The following SGSM1 variants were observed in gnomAD, a reference collection of about 807,000 sequenced individuals.
SGSM1 encodes the protein small G protein signaling modulator 1.
In SGSM1, 73 loss-of-function variants were observed where a neutral mutation model predicts 133.8. The observed-to-expected ratio is 0.55, with a 90% CI of 0.45 to 0.66. SGSM1 has a LOEUF of 0.66. Ranked by LOEUF, SGSM1 falls within the 30% of genes least tolerant of loss-of-function variation. The pLI is 0.00. For synonymous variants in SGSM1, 563 were observed against 573.0 expected, an observed-to-expected ratio of 0.98 and a Z score of 0.25; for missense variants, 1,213 against 1,448.1, an observed-to-expected ratio of 0.84 and a Z score of 2.64.
At chr22:24,815,156 C>G (rs192623965) in intron 2 of SGSM1, among the ~76,000 whole-genome samples, 1 of 152,290 alleles carries the variant, frequency 6.6e-6, no homozygotes, top group East Asian at 1.9e-4. Flanking sequence ...TGGGTATTTG[C>G]AAAGAACAGT....
chr22:24,868,690 C>T, intron 11 of SGSM1, 33 bp from the exon 12 acceptor site: 1 of 1,612,738 alleles, frequency 6.2e-7, no homozygotes, highest in Non-Finnish European at 8.5e-7. Flanking sequence ...CAGATGTGTC[C>T]CAAGGACCTT....
At chr22:24,827,379 G>T (rs1294121481) in intron 2 of SGSM1, among the ~76,000 whole-genome samples, 1 of 150,976 alleles carries the variant, frequency 6.6e-6, no homozygotes, top group East Asian at 2.0e-4. Flanking sequence ...TTAAATATTT[G>T]CAGGTGGGGA....
At chr22:24,877,269 C>T (rs1041567003) in intron 13 of SGSM1, among the ~76,000 whole-genome samples, 2 of 152,202 alleles carry the variant, frequency 1.3e-5, no homozygotes, top group Non-Finnish European at 2.9e-5. Context: ...TTTGCACCCC[C>T]ACACAGTGGA....
In SGSM1 at chr22:24,926,975, T is replaced by G. The variant is rs1284984724; in HGVS notation, c.*2701T>G. The G allele has an allele frequency of 6.6e-6, 1 of 152,138 alleles. No homozygotes were observed. Among genetic ancestry groups the G allele is most frequent in the Non-Finnish European group, 1.5e-5 (1 of 68,032 alleles). 9.4% of individuals were successfully genotyped at this position (152,138 alleles called of 1,614,324 possible). On this transcript the variant is annotated 3_prime_UTR_variant, in exon 25 of 25. Coordinates refer to ENST00000400358, the MANE Select transcript of SGSM1 (RefSeq NM_001098497.3). ...GATTTTTGTAATAGCTGCCTGGCCT[T>G]TTCCCAGAAAAGGTGAATCACTTCT...
chr22:24,859,388 A>C (rs969090407), intron 8 of SGSM1, among the ~76,000 whole-genome samples: 7 of 152,114 alleles, frequency 4.6e-5, no homozygotes, highest in African/African-American at 7.2e-5. Flanking sequence ...CGTGATTTTC[A>C]GTGGGGCAGA....
intron 19 of SGSM1, among the ~76,000 whole-genome samples, chr22:24,900,413 T>TTCTTCTTTC (rs1555935573): frequency 7.0e-6 from 1 of 141,850 alleles, no homozygotes; most frequent in African/African-American, 2.9e-5. Flanking sequence ...CTTTCTGTAT[T>TTCTTCTTTC]TTTGAGACAG....
At chr22:24,895,043 A>G (rs1369312328) in intron 17 of SGSM1, among the ~76,000 whole-genome samples, 180 bp from the exon 18 acceptor site, 1 of 152,196 alleles carries the variant, frequency 6.6e-6, no homozygotes, top group Admixed American at 6.5e-5. Flanking sequence ...GGCTCCAGGA[A>G]GCAGGGAGTG....
chr22:24,905,751 T>C (rs1019926273), intron 21 of SGSM1, among the ~76,000 whole-genome samples: 3 of 146,984 alleles, frequency 2.0e-5, no homozygotes, highest in Admixed American at 6.9e-5. Flanking sequence ...ATCACACCAC[T>C]GTACTCCAGC....
intron 2 of SGSM1, among the ~76,000 whole-genome samples, chr22:24,823,115 C>T (rs1408208422): frequency 1.3e-5 from 2 of 152,100 alleles, no homozygotes; most frequent in Admixed American, 6.6e-5. Context: ...TTCACCTGAC[C>T]GGAACTCAGT....
At chr22:24,887,636 T>C (rs957593602) in intron 16 of SGSM1, among the ~76,000 whole-genome samples, 1 of 152,192 alleles carries the variant, frequency 6.6e-6, no homozygotes, top group Non-Finnish European at 1.5e-5. Flanking sequence ...TAGTCGCATG[T>C]TCAGTTTTAT....
At chr22:24,903,981 GA>G (rs200526574) in intron 20 of SGSM1, among the ~76,000 whole-genome samples, 9,812 of 61,884 alleles carry the variant, frequency 0.16, 1,162 homozygotes, top group African/African-American at 0.36. Context: ...TCAACAAAAA[GA>G]AAAAAAAAAA....
chr22:24,862,230 G>A (rs1015065612), intron 9 of SGSM1, among the ~76,000 whole-genome samples: 1 of 152,128 alleles, frequency 6.6e-6, no homozygotes. Context: ...GATTACAGGC[G>A]TGAGCCACCG....
chr22:24,859,619 T>G, intron 8 of SGSM1, 97 bp from the exon 9 acceptor site: 2 of 1,531,888 alleles, frequency 1.3e-6, no homozygotes, highest in Non-Finnish European at 1.8e-6. Context: ...CCCAACCTCT[T>G]AGTTCTGATT....
At chr22:24,866,097 C>T (rs942552526) in intron 9 of SGSM1, among the ~76,000 whole-genome samples, 3 of 152,164 alleles carry the variant, frequency 2.0e-5, no homozygotes, top group African/African-American at 7.2e-5. Flanking sequence ...GTTCCTGTGG[C>T]CTCCACCTCC....
At chr22:24,867,528 G>A (rs1208907848) in intron 10 of SGSM1, among the ~76,000 whole-genome samples, 1 of 152,204 alleles carries the variant, frequency 6.6e-6, no homozygotes, top group Non-Finnish European at 1.5e-5. Context: ...CCCACTGACA[G>A]GGTGACATCA....
chr22:24,850,217 C>A, intron 4 of SGSM1, 63 bp from the exon 5 acceptor site: 1 of 1,462,182 alleles, frequency 6.8e-7, no homozygotes, highest in South Asian at 1.3e-5. Flanking sequence ...TCCCATTTGC[C>A]AATTAGTCCT....
In SGSM1 at chr22:24,855,431, G is replaced by A; in HGVS notation, c.669+1G>A. The A allele has an allele frequency of 6.2e-7, 1 of 1,613,432 alleles. No homozygotes were observed. Among genetic ancestry groups the A allele is most frequent in the Non-Finnish European group, 8.5e-7 (1 of 1,179,778 alleles). Reference sequence around the variant, plus strand: ...GCCCACCAAGCGTCCTGCCCTCTGTGTGAGTGGGGTGGACAGTGGGGCAGT... The same window carrying A: ...GCCCACCAAGCGTCCTGCCCTCTGTATGAGTGGGGTGGACAGTGGGGCAGT... On this transcript the variant is annotated splice_donor_variant, in intron 7 of 24. Coordinates refer to ENST00000400358, the MANE Select transcript of SGSM1 (RefSeq NM_001098497.3). LOFTEE classifies it high-confidence loss of function.
intron 19 of SGSM1, among the ~76,000 whole-genome samples, chr22:24,899,636 C>A (rs1933054434): frequency 6.6e-6 from 1 of 151,460 alleles, no homozygotes; most frequent in Non-Finnish European, 1.5e-5. Flanking sequence ...CATTCTCTTG[C>A]CTCAGCCTCC....
Position 24,904,184 on chromosome 22 carries a change from T to G in SGSM1, c.2736-921T>G, listed in dbSNP as rs140700231. ...TGTGAAATGGGATAATCCATGGACA[T>G]TTTTTAAATGTACATTTAAAAAATG... On this transcript the variant is annotated intron_variant, in intron 20 of 24. Transcript: ENST00000400358. Among the ~76,000 whole-genome samples the G allele has an allele frequency of 8.3e-3, 1,264 of 152,174 alleles. 10 individuals carry two copies. The highest frequency in any genetic ancestry group is 0.014 in the South Asian group (67 of 4,818).
Sources: gnomAD v4.1 joint callset for allele counts (sites outside exome capture counted in the v4.1 genomes callset) on GRCh38, gnomAD v4.1.1 for gene constraint, MANE v1.5 for transcripts, NCBI Gene and HGNC (gene_info 2026-07-23, HGNC 2026-07-21) for gene names.